The following APLF variants were observed in gnomAD, a reference collection of about 807,000 sequenced individuals.
APLF encodes the protein aprataxin and PNK-like factor.
A neutral mutation model predicts 55.6 loss-of-function variants in APLF; 61 were observed. The observed-to-expected ratio is 1.10, with a 90% CI of 0.89 to 1.36. The LOEUF is 1.36. APLF is among the 40% of genes most tolerant of loss of function. APLF has a pLI of 0.00. For missense variants in APLF, 611 were observed against 602.5 expected, an observed-to-expected ratio of 1.01 and a Z score of -0.15; for synonymous variants, 207 against 214.8, an observed-to-expected ratio of 0.96 and a Z score of 0.32.
intron 8 of APLF, among the ~76,000 whole-genome samples, chr2:68,552,592 G>T (rs878945339): frequency 6.6e-6 from 1 of 152,050 alleles, no homozygotes; most frequent in Admixed American, 6.6e-5. Context: ...TTGTTAAAAA[G>T]AGTATTCTCC....
intron 5 of APLF, among the ~76,000 whole-genome samples, chr2:68,523,745 A>G (rs1490951595): frequency 5.9e-5 from 9 of 152,034 alleles, no homozygotes; most frequent in South Asian, 2.1e-4. Flanking sequence ...TTATATTTCT[A>G]TCATTTAACT....
chr2:68,530,731 A>G (rs1347073094), intron 6 of APLF, among the ~76,000 whole-genome samples: 1 of 152,156 alleles, frequency 6.6e-6, no homozygotes, highest in Non-Finnish European at 1.5e-5. Context: ...ATATAACTCT[A>G]GGTTTTCTTA....
At chr2:68,554,487 G>C (rs1201142507) in intron 8 of APLF, among the ~76,000 whole-genome samples, 1 of 152,052 alleles carries the variant, frequency 6.6e-6, no homozygotes, top group African/African-American at 2.4e-5. Context: ...GGATTACTTT[G>C]ACAGTGTGAT....
intron 8 of APLF, among the ~76,000 whole-genome samples, chr2:68,550,120 A>ACTT (rs1212484185): frequency 6.6e-6 from 1 of 152,042 alleles, no homozygotes; most frequent in African/African-American, 2.4e-5. Context: ...TTTAGTTTCA[A>ACTT]CTTCTGTTCT....
intron 1 of APLF, among the ~76,000 whole-genome samples, chr2:68,481,935 T>C (rs1675972522): frequency 6.6e-6 from 1 of 152,084 alleles, no homozygotes; most frequent in Non-Finnish European, 1.5e-5. Context: ...GTAAGATTTC[T>C]GTTTGGTTAT....
chr2:68,559,316 T>A (rs985386194), intron 8 of APLF, among the ~76,000 whole-genome samples: 1 of 152,170 alleles, frequency 6.6e-6, no homozygotes, highest in African/African-American at 2.4e-5. Flanking sequence ...CCTCTTTTTC[T>A]TCCCTACTTG....
At chr2:68,488,497 A>G (rs1676256481) in intron 1 of APLF, among the ~76,000 whole-genome samples, 1 of 151,710 alleles carries the variant, frequency 6.6e-6, no homozygotes, top group African/African-American at 2.4e-5. Flanking sequence ...CCCTCTGTCC[A>G]GCTAATTTTT....
chr2:68,467,594 G>T lies in APLF; in HGVS notation c.-138G>T, dbSNP rs779444534. On this transcript the variant is annotated 5_prime_UTR_variant, in exon 1 of 10. Transcript: ENST00000303795. ...GCTGGGGCCGGGCTCTGAGAGGACC[G>T]GCGCAGCCGCGGGGAGCCTTTGAGG... 4.7e-6 allele frequency: 3 copies of T among 632,774 alleles called. No homozygotes were observed. Among genetic ancestry groups the T allele is most frequent in the Admixed American group, 4.4e-5 (1 of 22,916 alleles). 39.2% of individuals were successfully genotyped at this position (632,774 alleles called of 1,614,324 possible). A position where few individuals can be genotyped will look rare whatever the true frequency, so the allele number is the denominator to read the frequency against.
Position 68,485,781 on chromosome 2 carries a change from G to A in APLF, c.97-4409G>A, listed in dbSNP as rs561201081. Among the ~76,000 whole-genome samples, 5 of 149,322 alleles carry A rather than the reference G, an allele frequency of 3.3e-5. No homozygotes were observed. The South Asian group carries it at 1.1e-3, about 32-fold the overall frequency. On this transcript the variant is annotated intron_variant, in intron 1 of 9. Transcript: ENST00000303795. Reference sequence around the variant, plus strand: ...CACACTGAATCACAAAATAATCCATGATTCATATGGAATCTTTTTTATTAT... The same window carrying A: ...CACACTGAATCACAAAATAATCCATAATTCATATGGAATCTTTTTTATTAT...
At position 68,529,242 on chromosome 2, in the gene APLF, G is replaced by T; in HGVS notation, c.804+3000G>T. The T allele has an allele frequency of 1.6e-6, 2 of 1,262,632 alleles. No homozygotes were observed. Among genetic ancestry groups the T allele is most frequent in the South Asian group, 1.6e-5 (1 of 62,414 alleles). 78.2% of individuals were successfully genotyped at this position (1,262,632 alleles called of 1,614,324 possible). A position where few individuals can be genotyped will look rare whatever the true frequency, so the allele number is the denominator to read the frequency against. ...CAAGGGATAAGACACAGCCTCATAA[G>T]GGTGCCGTCCCACCTGCCTGGAAAA... On this transcript the variant is annotated intron_variant, in intron 6 of 9. Transcript: ENST00000303795. The surrounding 1 kb of genome is among the most constrained non-coding windows in gnomAD (Gnocchi z 4.4).
chr2:68,481,575 C>T (rs1194452735), intron 1 of APLF, among the ~76,000 whole-genome samples: 2 of 152,002 alleles, frequency 1.3e-5, no homozygotes, highest in Admixed American at 6.5e-5. Context: ...ACTATAAGTG[C>T]CTTGGAGAGG....
chr2:68,505,125 T>C (rs1358775779), intron 3 of APLF, among the ~76,000 whole-genome samples: 1 of 152,092 alleles, frequency 6.6e-6, no homozygotes, highest in Non-Finnish European at 1.5e-5. Context: ...TTTAGTTAAA[T>C]GAAATTCATT....
At chr2:68,519,228 T>C (rs1291208416) in intron 5 of APLF, among the ~76,000 whole-genome samples, 1 of 140,342 alleles carries the variant, frequency 7.1e-6, no homozygotes, top group African/African-American at 2.6e-5. Flanking sequence ...ATTTATTACA[T>C]AATATATTAT....
intron 1 of APLF, among the ~76,000 whole-genome samples, chr2:68,485,761 T>C (rs1278409207): frequency 2.0e-5 from 3 of 151,780 alleles, no homozygotes; most frequent in Admixed American, 2.0e-4. Context: ...TACAGCACAC[T>C]GAATCACAAA....
intron 5 of APLF, among the ~76,000 whole-genome samples, chr2:68,517,437 AT>A (rs1669647002): frequency 8.5e-6 from 1 of 118,338 alleles, no homozygotes; most frequent in Non-Finnish European, 1.6e-5. Context: ...TAATATATCT[AT>A]ATATGTTATT....
intron 1 of APLF, among the ~76,000 whole-genome samples, chr2:68,477,862 T>C (rs951931331): frequency 2.0e-5 from 3 of 152,092 alleles, no homozygotes; most frequent in African/African-American, 7.2e-5. Context: ...GTGAGACTTA[T>C]TTACTACCCT....
At chr2:68,555,647 A>G (rs1401568082) in intron 8 of APLF, among the ~76,000 whole-genome samples, 1 of 152,124 alleles carries the variant, frequency 6.6e-6, no homozygotes, top group Non-Finnish European at 1.5e-5. Context: ...CAAAACCACA[A>G]TGCAGTACCA....
At chr2:68,497,385 G>A (rs1407704854) in intron 2 of APLF, among the ~76,000 whole-genome samples, 2 of 152,024 alleles carry the variant, frequency 1.3e-5, no homozygotes, top group African/African-American at 4.8e-5. Context: ...CCCCCTTGCT[G>A]TTCTCATGAT....
intron 3 of APLF, among the ~76,000 whole-genome samples, chr2:68,512,183 C>T (rs1573197096): frequency 1.3e-5 from 2 of 151,684 alleles, no homozygotes; most frequent in Non-Finnish European, 3.0e-5. Context: ...CAAATGTTCT[C>T]TCCTGGCTCT....
Sources: allele counts gnomAD v4.1 joint callset (sites outside exome capture counted in the v4.1 genomes callset), GRCh38; gene constraint gnomAD v4.1.1; non-coding constraint Gnocchi (gnomAD v3.1); transcripts MANE v1.5; gene names NCBI Gene and HGNC (gene_info 2026-07-23, HGNC 2026-07-21).